The following EIF4G3 variants were observed in gnomAD, a reference collection of about 807,000 sequenced individuals.
EIF4G3 encodes eukaryotic translation initiation factor 4 gamma 3, also known as eIF-4-gamma 3.
Under a neutral mutation model 186.4 loss-of-function variants are expected in EIF4G3, and 34 were observed. That is an observed-to-expected ratio of 0.18 (90% confidence interval 0.14 to 0.24). EIF4G3 has a LOEUF of 0.24. Among genes scored for constraint, EIF4G3 ranks in the 10% least tolerant of loss-of-function variants. The pLI is 1.00. For synonymous variants in EIF4G3, 673 were observed against 679.5 expected, an observed-to-expected ratio of 0.99 and a Z score of 0.15; for missense variants, 1,536 against 1,948.5, an observed-to-expected ratio of 0.79 and a Z score of 3.99.
chr1:21,088,395 G>A (rs2096067145), intron 3 of EIF4G3, among the ~76,000 whole-genome samples: 1 of 150,994 alleles, frequency 6.6e-6, no homozygotes, highest in East Asian at 1.9e-4. Context: ...ATTCCAGCCT[G>A]GCAACAAGAG....
At chr1:21,148,734 T>C (rs2097499342) in intron 2 of EIF4G3, among the ~76,000 whole-genome samples, 2 of 147,270 alleles carry the variant, frequency 1.4e-5, no homozygotes, top group African/African-American at 5.0e-5. Flanking sequence ...AAAGTGCATG[T>C]CTGTAATCCC....
chr1:20,970,452 C>G (rs920435766), intron 11 of EIF4G3, among the ~76,000 whole-genome samples: 1 of 149,948 alleles, frequency 6.7e-6, no homozygotes, highest in Admixed American at 6.7e-5. Context: ...TCTCTACTAA[C>G]AATACAAAAA....
intron 3 of EIF4G3, among the ~76,000 whole-genome samples, chr1:21,085,557 T>C (rs549027156): frequency 6.6e-6 from 1 of 151,956 alleles, no homozygotes; most frequent in South Asian, 2.1e-4. Flanking sequence ...CGCACCACCA[T>C]GCCTGGCTAG....
intron 1 of EIF4G3, among the ~76,000 whole-genome samples, 159 bp downstream of exon 1, chr1:21,176,563 C>CCCGACG (rs1269509227): frequency 2.3e-5 from 3 of 132,198 alleles, no homozygotes; most frequent in African/African-American, 8.3e-5. Flanking sequence ...GTCACACACG[C>CCCGACG]CCGACGCCGC....
intron 2 of EIF4G3, among the ~76,000 whole-genome samples, chr1:21,155,847 C>G (rs186254524): frequency 6.6e-6 from 1 of 152,086 alleles, no homozygotes; most frequent in East Asian, 1.9e-4. Context: ...ACACAAAAAG[C>G]CGGGTGCAGT....
intron 2 of EIF4G3, among the ~76,000 whole-genome samples, chr1:21,134,594 G>A (rs576073246): frequency 1.2e-4 from 18 of 152,280 alleles, no homozygotes; most frequent in African/African-American, 4.3e-4. Context: ...ACTTGAGCCC[G>A]GGAGGCGGAG....
chr1:21,123,562 CAA>C (rs796201449), intron 2 of EIF4G3, among the ~76,000 whole-genome samples: 16 of 74,524 alleles, frequency 2.1e-4, no homozygotes, highest in Admixed American at 3.0e-4. Flanking sequence ...AAGACTGTCT[CAA>C]AAAAAAAAAA....
At chr1:21,109,351 A>C (rs1054295470) in intron 2 of EIF4G3, among the ~76,000 whole-genome samples, 1 of 152,152 alleles carries the variant, frequency 6.6e-6, no homozygotes, top group Non-Finnish European at 1.5e-5. Context: ...AAATAATAGA[A>C]TATTTAAATG....
At chr1:21,004,483 T>G (rs1225678233) in intron 4 of EIF4G3, among the ~76,000 whole-genome samples, 1 of 152,122 alleles carries the variant, frequency 6.6e-6, no homozygotes, top group Non-Finnish European at 1.5e-5. Flanking sequence ...GTTGTTAGTT[T>G]GGGCAACTCA....
At chr1:20,986,765 A>G (rs1355925133) in intron 7 of EIF4G3, among the ~76,000 whole-genome samples, 1 of 150,054 alleles carries the variant, frequency 6.7e-6, no homozygotes, top group Admixed American at 6.6e-5. Flanking sequence ...AAAAAAAAAA[A>G]AAAAAAGAAA....
chr1:21,146,593 A>G (rs2097446950), intron 2 of EIF4G3, among the ~76,000 whole-genome samples: 1 of 151,736 alleles, frequency 6.6e-6, no homozygotes, highest in Non-Finnish European at 1.5e-5. Context: ...GTCTCTACTA[A>G]AAAATACAAA....
In EIF4G3 at chr1:20,949,902, T is replaced by C. The variant is rs1180971979; in HGVS notation, c.823+101A>G. On this transcript the variant is annotated intron_variant, in intron 13 of 36. Transcript: ENST00000602326. ...CTTTGTTTAAAGGTGGGTGTCTAAA[T>C]AATCCTTGGATGCTGTACTCTTACT... 4 of 1,018,904 alleles carry C rather than the reference T, an allele frequency of 3.9e-6. No homozygotes were observed. In the African/African-American group the frequency reaches 4.8e-5, roughly 12 times the overall value. 63.1% of individuals were successfully genotyped at this position (1,018,904 alleles called of 1,614,324 possible).
At chr1:20,841,572 T>A (rs1038449274) in intron 29 of EIF4G3, among the ~76,000 whole-genome samples, 4 of 152,208 alleles carry the variant, frequency 2.6e-5, no homozygotes, top group African/African-American at 9.6e-5. Flanking sequence ...AAAAAGGTCT[T>A]CCTTCATATG....
chr1:20,825,779 T>C (rs112257935), intron 32 of EIF4G3, among the ~76,000 whole-genome samples: 166 of 152,298 alleles, frequency 1.1e-3, no homozygotes, highest in African/African-American at 3.9e-3. Flanking sequence ...TGCTGCCTGA[T>C]ACAAGGAGGC....
intron 1 of EIF4G3, 107 bp downstream of exon 1, chr1:21,176,615 G>A (rs953858299): frequency 4.5e-5 from 10 of 222,128 alleles, no homozygotes; most frequent in African/African-American, 1.6e-4. Context: ...GCCGCCGGCA[G>A]CAGCAGCCGC....
chr1:20,846,734 T>C (rs745414536), intron 29 of EIF4G3, among the ~76,000 whole-genome samples: 1 of 152,224 alleles, frequency 6.6e-6, no homozygotes, highest in Non-Finnish European at 1.5e-5. Flanking sequence ...ATAAATAGCA[T>C]AGAGGCTAAA....
At chr1:20,997,496 G>C in intron 7 of EIF4G3, 105 bp downstream of exon 7, 1 of 1,089,404 alleles carries the variant, frequency 9.2e-7, no homozygotes, top group South Asian at 1.3e-5. Flanking sequence ...CTTGAAATGA[G>C]TAATTTGAGT....
intron 4 of EIF4G3, among the ~76,000 whole-genome samples, chr1:21,043,862 C>A (rs1179318184): frequency 7.2e-6 from 1 of 139,748 alleles, no homozygotes; most frequent in African/African-American, 2.7e-5. Flanking sequence ...CAGAGTGAAA[C>A]CTTGGCGCAA....
intron 3 of EIF4G3, among the ~76,000 whole-genome samples, chr1:21,075,235 A>G (rs1036508541): frequency 1.3e-5 from 2 of 152,128 alleles, no homozygotes; most frequent in East Asian, 3.9e-4. Context: ...ATTAAAAAAC[A>G]TTACACACCT....
Sources: allele counts gnomAD v4.1 joint callset (sites outside exome capture counted in the v4.1 genomes callset), GRCh38; gene constraint gnomAD v4.1.1; transcripts MANE v1.5; gene names NCBI Gene and HGNC (gene_info 2026-07-23, HGNC 2026-07-21).